Variants in CEP290 observed in about 807,000 individuals in gnomAD.
The protein encoded by CEP290 is centrosomal protein of 290 kDa.
A neutral mutation model predicts 344.9 loss-of-function variants in CEP290; 317 were observed. That is an observed-to-expected ratio of 0.92 (90% CI 0.84 to 1.01). The LOEUF (loss-of-function observed/expected upper bound fraction) is 1.01, where lower values mean the gene tolerates loss of function less well. Ranked by LOEUF, CEP290 falls within the 50% of genes least tolerant of loss-of-function variation. The pLI is 0.00. For missense variants in CEP290, 2,754 were observed against 2,761.4 expected, an observed-to-expected ratio of 1.00 and a Z score of 0.06; for synonymous variants, 932 against 895.8, an observed-to-expected ratio of 1.04 and a Z score of -0.72.
chr12:88,049,696 A>G (rs962495876), intron 53 of CEP290: 1 of 235,104 alleles, frequency 4.3e-6, no homozygotes, highest in Non-Finnish European at 8.1e-6. Context: ...CTAAAAGCAT[A>G]TAAGAGCTTG....
chr12:88,128,846 G>A (rs897287502), intron 11 of CEP290, 100 bp downstream of exon 11: 55 of 616,106 alleles, frequency 8.9e-5, no homozygotes, highest in East Asian at 1.8e-4. Context: ...CCTAATAAAC[G>A]TGTTATAAAC....
intron 44 of CEP290, among the ~76,000 whole-genome samples, chr12:88,064,566 G>T (rs915846365): frequency 6.6e-6 from 1 of 152,104 alleles, no homozygotes; most frequent in Non-Finnish European, 1.5e-5. Context: ...AGGTATTCAA[G>T]TTAAAATGAG....
intron 26 of CEP290, among the ~76,000 whole-genome samples, chr12:88,099,238 C>T (rs1473712866): frequency 6.6e-6 from 1 of 152,124 alleles, no homozygotes; most frequent in Admixed American, 6.6e-5. Flanking sequence ...TACAGAATAA[C>T]TCTAAAGTAT....
intron 52 of CEP290, 58 bp downstream of exon 52, chr12:88,053,594 A>AT: frequency 5.2e-6 from 4 of 763,662 alleles, no homozygotes; most frequent in Non-Finnish European, 8.5e-6. Context: ...AAAAAAAAAA[A>AT]GGCAAACCCA....
chr12:88,126,349 A>G lies in CEP290; in HGVS notation c.1032T>C (p.Asp344=). Residue 344 remains aspartate, a synonymous_variant, in exon 12 of 54, where the codon GAT becomes GAC. Transcript: ENST00000552810. The part of the protein sequence containing the change: ...LREKLKNAQL[D]ADKSNVMALQ... ...GAGCCATAACATTACTTTTATCAGC[A>G]TCAAGCTGAGCATTCTTAAGTTTCT... 1 of 1,496,200 alleles carries G rather than the reference A, an allele frequency of 6.7e-7. No individual in the cohort carries two copies. The highest frequency in any genetic ancestry group is 8.9e-7 in the Non-Finnish European group (1 of 1,127,648). The allele number at this position is 1,496,200 out of a possible 1,614,324, so 92.7% of individuals were successfully genotyped here.
intron 46 of CEP290, among the ~76,000 whole-genome samples, chr12:88,061,810 G>A (rs974571721): frequency 2.0e-5 from 3 of 150,670 alleles, no homozygotes; most frequent in African/African-American, 4.9e-5. Flanking sequence ...ATGGAGTCTC[G>A]CTCTGTCGCC....
At chr12:88,111,607 A>T in intron 21 of CEP290, 87 bp downstream of exon 21, 1 of 1,150,714 alleles carries the variant, frequency 8.7e-7, no homozygotes, top group Non-Finnish European at 1.2e-6. Flanking sequence ...ATTTTCTCAT[A>T]AAGCATTCTT....
At position 88,093,904 on chromosome 12, in the gene CEP290, T is replaced by A. The variant is rs771815959; in HGVS notation, c.3175A>T (p.Ile1059Leu). Residue 1059 changes from isoleucine (I) to leucine (L), a missense_variant, in exon 28 of 54, where the codon ATA becomes TTA. Ile to Leu is a conservative substitution (Grantham distance 5). Coordinates refer to ENST00000552810, the MANE Select transcript of CEP290 (RefSeq NM_025114.4). ...NSDIVSISKK[I>L]TMLEMKELNE... ...AATTCCTTCATTTCCAGCATAGTTA[T>A]TTTTTTTGAAATGGAAACAATGTCA... 1 of 1,600,682 alleles carries A rather than the reference T, an allele frequency of 6.2e-7. No homozygotes were observed. The highest frequency in any genetic ancestry group is 8.5e-7 in the Non-Finnish European group (1 of 1,170,782).
chr12:88,116,905 C>T (rs963399016), intron 18 of CEP290, 128 bp downstream of exon 18: 15 of 475,050 alleles, frequency 3.2e-5, no homozygotes, highest in South Asian at 5.0e-5. Flanking sequence ...ACCCGGGAGG[C>T]GGAGCTTGCA....
chr12:88,070,579 T>G (rs1044492608), intron 43 of CEP290, among the ~76,000 whole-genome samples: 2 of 152,178 alleles, frequency 1.3e-5, no homozygotes, highest in Admixed American at 6.5e-5. Flanking sequence ...TAATATTTTT[T>G]GGGAGGGAAA....
intron 34 of CEP290, 77 bp from the exon 35 acceptor site, chr12:88,084,929 T>G (rs907686125): frequency 8.5e-7 from 1 of 1,174,726 alleles, no homozygotes; most frequent in African/African-American, 1.6e-5. Context: ...TTTAGATTAG[T>G]TATTAGCCAA....
At chr12:88,068,452 A>G in intron 44 of CEP290, 70 bp downstream of exon 44, 1 of 1,078,022 alleles carries the variant, frequency 9.3e-7, no homozygotes. Context: ...AGATTAAGAA[A>G]GAAGTTGATT....
chr12:88,106,646 A>G (rs779461156), intron 25 of CEP290, 29 bp downstream of exon 25: 22 of 1,510,674 alleles, frequency 1.5e-5, no homozygotes, highest in Non-Finnish European at 2.0e-5. Flanking sequence ...TTTCATAGTC[A>G]GAAAAAGCAA....
In CEP290 at chr12:88,077,836, G is replaced by A. The variant is rs2035894787; in HGVS notation, c.5447C>T (p.Thr1816Ile). ...ATTATTTAAGTCATTCAAATTATCAGTTAGTGAGTTTTCTCTGTTTTTACT... is the reference window on the plus strand; with the variant it reads ...ATTATTTAAGTCATTCAAATTATCAATTAGTGAGTTTTCTCTGTTTTTACT... ...KTSKNRENSL[T>I]DNLNDLNNEL... is the part of the protein sequence containing the mutation. The change falls in exon 40 of 54, where the codon ACT (threonine) becomes ATT (isoleucine). Residue 1816 changes from threonine (T) to isoleucine (I), a missense_variant. Thr to Ile is a moderately conservative substitution (Grantham distance 89). Transcript: ENST00000552810. 2 of 1,499,486 alleles carry A rather than the reference G, an allele frequency of 1.3e-6. No individual in the cohort carries two copies. The highest frequency in any genetic ancestry group is 1.8e-6 in the Non-Finnish European group (2 of 1,096,648). The allele number at this position is 1,499,486 out of a possible 1,614,324, so 92.9% of individuals were successfully genotyped here.
chr12:88,063,160 A>G (rs553327651), intron 45 of CEP290, among the ~76,000 whole-genome samples: 1 of 151,938 alleles, frequency 6.6e-6, no homozygotes, highest in Admixed American at 6.5e-5. Context: ...AAAAAAAGGA[A>G]AAAAAGTGCG....
chr12:88,141,505 A>T (rs1397138431), intron 1 of CEP290, among the ~76,000 whole-genome samples, 171 bp from the exon 2 acceptor site: 1 of 127,226 alleles, frequency 7.9e-6, no homozygotes, highest in Non-Finnish European at 1.8e-5. Context: ...CAAAAATAGC[A>T]GTCGGCACAA....
chr12:88,055,194 G>A (rs2033897309), intron 50 of CEP290, among the ~76,000 whole-genome samples: 1 of 152,132 alleles, frequency 6.6e-6, no homozygotes, highest in East Asian at 1.9e-4. Flanking sequence ...TGTGGAGACA[G>A]CCCAGAAATA....
At chr12:88,131,329 T>A (rs2040059332) in intron 6 of CEP290, 111 bp from the exon 7 acceptor site, 1 of 707,980 alleles carries the variant, frequency 1.4e-6, no homozygotes, top group African/African-American at 1.9e-5. Context: ...AGTGGTGCGA[T>A]CTCGGCTCAC....
intron 31 of CEP290, among the ~76,000 whole-genome samples, chr12:88,088,383 G>A (rs145370271): frequency 6.6e-6 from 1 of 152,192 alleles, no homozygotes. Context: ...CCCACTACTT[G>A]TAGATCAAAG....
Sources: gnomAD v4.1 joint callset for allele counts (sites outside exome capture counted in the v4.1 genomes callset) on GRCh38, gnomAD v4.1.1 for gene constraint, MANE v1.5 for transcripts, NCBI Gene and HGNC (gene_info 2026-07-23, HGNC 2026-07-21) for gene names.